The following LRP1B variants were observed in gnomAD, a reference collection of about 807,000 sequenced individuals.
LRP1B encodes the protein low-density lipoprotein receptor-related protein 1B.
LRP1B carries 217 observed loss-of-function variants against 556.6 expected under a neutral mutation model. The observed-to-expected ratio is 0.39, with a 90% CI of 0.35 to 0.44. The LOEUF (loss-of-function observed/expected upper bound fraction) is 0.44, where lower values mean the gene tolerates loss of function less well. LRP1B is among the 20% of genes least tolerant of loss of function. The probability of loss-of-function intolerance (pLI) is 1.00; values close to 1 mark genes in which losing one functional copy is unlikely to be tolerated. For synonymous variants in LRP1B, 2,047 were observed against 1,865.8 expected, an observed-to-expected ratio of 1.10 and a Z score of -2.50; for missense variants, 5,053 against 5,620.8, an observed-to-expected ratio of 0.90 and a Z score of 3.23.
chr2:140,951,877 T>C lies in LRP1B; in HGVS notation c.2951A>G (p.Lys984Arg), dbSNP rs1175762600. 1.2e-6 allele frequency: 2 copies of C among 1,613,766 alleles called. No homozygotes were observed. Residue 984 changes from lysine to arginine, a missense_variant, in exon 19 of 91, where the codon AAA becomes AGA. Lys to Arg is a conservative substitution (Grantham distance 26). Coordinates refer to ENST00000389484, the MANE Select transcript of LRP1B (RefSeq NM_018557.3). ...GTACTTGCCAGAGTCGCAGTGCCAT[T>C]TGCTGCTAATGCATCTTCCACTTTT... Reference protein sequence around the residue: ...VCKSGRCISSKWHCDSDDDCG... With the variant: ...VCKSGRCISSRWHCDSDDDCG...
chr2:140,313,231 G>A (rs1684383690), intron 83 of LRP1B, among the ~76,000 whole-genome samples: 1 of 151,830 alleles, frequency 6.6e-6, no homozygotes, highest in African/African-American at 2.4e-5. Context: ...GAATCCATAT[G>A]AGAACTAATT....
intron 2 of LRP1B, among the ~76,000 whole-genome samples, chr2:141,510,908 A>ACACC (rs141053570): frequency 7.9e-4 from 3 of 3,778 alleles, no homozygotes; most frequent in Middle Eastern, 0.028. Context: ...ACACACACAC[A>ACACC]CCCCACACAA....
chr2:141,998,498 G>A (rs966578485), intron 1 of LRP1B, among the ~76,000 whole-genome samples: 2 of 152,016 alleles, frequency 1.3e-5, no homozygotes, highest in Non-Finnish European at 2.9e-5. Flanking sequence ...AGGCAAAAAG[G>A]TTATTTTTAA....
chr2:140,866,819 C>T (rs928868127), intron 27 of LRP1B, among the ~76,000 whole-genome samples: 1 of 151,924 alleles, frequency 6.6e-6, no homozygotes, highest in Non-Finnish European at 1.5e-5. Context: ...AAATAAGGCT[C>T]GATGTGTGGA....
chr2:140,697,556 A>G, intron 41 of LRP1B, among the ~76,000 whole-genome samples: 1 of 152,128 alleles, frequency 6.6e-6, no homozygotes, highest in East Asian at 1.9e-4. Flanking sequence ...TAAACAAATG[A>G]CTGGATAAAA....
rs531446159 is a variant in LRP1B at position 141,176,398 on chromosome 2, TAGTG to T, written c.1013+12019_1013+12022del. 5.9e-5 allele frequency among the ~76,000 whole-genome samples: 9 copies of T among 152,150 alleles called. No individual in the cohort carries two copies. In the East Asian group the frequency reaches 7.8e-4, roughly 13 times the overall value. ...GATTTCCCCTTTTCTGTTCTCATGA[TAGTG>T]AGTAAGTTCTCATGAGATCTAATGG... is the stretch of plus-strand genomic sequence containing the variant. On this transcript the variant is annotated intron_variant, in intron 7 of 90. Transcript: ENST00000389484.
intron 79 of LRP1B, among the ~76,000 whole-genome samples, chr2:140,328,820 T>TAC (rs35295294): frequency 3.3e-5 from 5 of 151,724 alleles, no homozygotes; most frequent in African/African-American, 1.2e-4. Flanking sequence ...TTCATACACA[T>TAC]ACACACACAC....
chr2:141,289,938 A>G (rs1448765968), intron 3 of LRP1B, among the ~76,000 whole-genome samples: 1 of 152,214 alleles, frequency 6.6e-6, no homozygotes, highest in Non-Finnish European at 1.5e-5. Flanking sequence ...TTATTTTAAC[A>G]TTCACTGTGA....
intron 3 of LRP1B, among the ~76,000 whole-genome samples, chr2:141,260,291 G>A (rs908760609): frequency 2.0e-5 from 3 of 152,146 alleles, no homozygotes; most frequent in Admixed American, 2.0e-4. Flanking sequence ...ATAACCATGG[G>A]CCAATTTACA....
chr2:141,344,812 T>C (rs1688187613), intron 3 of LRP1B, among the ~76,000 whole-genome samples: 1 of 152,138 alleles, frequency 6.6e-6, no homozygotes, highest in Non-Finnish European at 1.5e-5. Context: ...TGTGAGAGAC[T>C]AGTATTTTTC....
intron 1 of LRP1B, among the ~76,000 whole-genome samples, chr2:142,076,940 C>T (rs1705522216): frequency 6.6e-6 from 1 of 151,946 alleles, no homozygotes; most frequent in African/African-American, 2.4e-5. Context: ...ACCTTATGAA[C>T]AGAAACACAT....
At chr2:141,779,548 C>T (rs1574350919) in intron 2 of LRP1B, among the ~76,000 whole-genome samples, 1 of 151,592 alleles carries the variant, frequency 6.6e-6, no homozygotes, top group South Asian at 2.1e-4. Flanking sequence ...TCCCAAGTAG[C>T]TGGAATTATA....
At chr2:140,364,874 A>T (rs1421241324) in intron 71 of LRP1B, 91 bp from the exon 72 acceptor site, 1 of 1,130,584 alleles carries the variant, frequency 8.8e-7, no homozygotes, top group Non-Finnish European at 1.3e-6. Context: ...AGCAAACAGT[A>T]TCTAGTTGAC....
intron 2 of LRP1B, among the ~76,000 whole-genome samples, chr2:141,773,380 C>A (rs1694962621): frequency 6.6e-6 from 1 of 152,186 alleles, no homozygotes; most frequent in African/African-American, 2.4e-5. Context: ...CAAAAGGTAG[C>A]CAATTGCAAT....
chr2:141,642,010 C>A (rs12465027), intron 2 of LRP1B, among the ~76,000 whole-genome samples: 118,209 of 149,336 alleles, frequency 0.79, 46,176 homozygotes, highest in East Asian at 0.87. Context: ...CAAACAAAAC[C>A]CCCCCCCAAA....
At chr2:141,323,977 C>T (rs1211904768) in intron 3 of LRP1B, among the ~76,000 whole-genome samples, 1 of 142,360 alleles carries the variant, frequency 7.0e-6, no homozygotes, top group African/African-American at 2.7e-5. Context: ...CATGTACTCA[C>T]ATACCTGAGC....
Position 140,583,162 on chromosome 2 carries a change from C to CTTTTTTTTTTTTTTTTTTTTTTTTTTTTT in LRP1B, c.7194+15468_7194+15469insAAAAAAAAAAAAAAAAAAAAAAAAAAAAA, listed in dbSNP as rs1220644581. ...TGAAAGTTTCTATTGACAGTTTCTC[C>CTTTTTTTTTTTTTTTTTTTTTTTTTTTTT]TTTTTTTTCTTTTTTTTTTTTTTTT... On this transcript the variant is annotated intron_variant, in intron 43 of 90. Coordinates refer to ENST00000389484, the MANE Select transcript of LRP1B (RefSeq NM_018557.3). 4.6e-5 allele frequency among the ~76,000 whole-genome samples: 5 copies of CTTTTTTTTTTTTTTTTTTTTTTTTTTTTT among 107,818 alleles called. 2 individuals are homozygous for CTTTTTTTTTTTTTTTTTTTTTTTTTTTTT. Among genetic ancestry groups the CTTTTTTTTTTTTTTTTTTTTTTTTTTTTT allele is most frequent in the African/African-American group, 8.1e-5 (2 of 24,670 alleles). The allele number at this position is 107,818 out of a possible 152,430, so 70.7% of individuals were successfully genotyped here.
chr2:141,437,068 C>T (rs918135855), intron 3 of LRP1B, among the ~76,000 whole-genome samples: 1 of 152,092 alleles, frequency 6.6e-6, no homozygotes, highest in African/African-American at 2.4e-5. Flanking sequence ...TCTAAATAAA[C>T]TAATACTCTA....
At chr2:140,999,752 T>G (rs113986575) in intron 15 of LRP1B, among the ~76,000 whole-genome samples, 3,534 of 152,128 alleles carry the variant, frequency 0.023, 66 homozygotes, top group South Asian at 0.035. Flanking sequence ...TGTTTTGTTG[T>G]TTTTGGTTTG....
Sources: gnomAD v4.1 joint callset for allele counts (sites outside exome capture counted in the v4.1 genomes callset) on GRCh38, gnomAD v4.1.1 for gene constraint, MANE v1.5 for transcripts, NCBI Gene and HGNC (gene_info 2026-07-23, HGNC 2026-07-21) for gene names.